ZNF90: variants seen among roughly 807,000 people sequenced by gnomAD.
ZNF90 encodes the protein zinc finger protein 90.
ZNF90 carries 11 observed loss-of-function variants against 12.0 expected under a neutral mutation model. The ratio of observed to expected loss-of-function variants is 0.92; its 90% CI spans 0.58 to 1.52. The LOEUF (loss-of-function observed/expected upper bound fraction) is 1.52, where lower values mean the gene tolerates loss of function less well. Among genes scored for constraint, ZNF90 ranks in the 40% most tolerant of loss-of-function variants. ZNF90 has a pLI of 0.00. For synonymous variants in ZNF90, 232 were observed against 240.1 expected, an observed-to-expected ratio of 0.97 and a Z score of 0.31; for missense variants, 765 against 711.5, an observed-to-expected ratio of 1.08 and a Z score of -0.86.
intron 1 of ZNF90, among the ~76,000 whole-genome samples, chr19:20,093,738 G>C (rs1372253868): frequency 1.3e-5 from 2 of 152,176 alleles, no homozygotes; most frequent in African/African-American, 4.8e-5. Context: ...AGGAAAACAG[G>C]CCCTTGAAAA....
At chr19:20,105,428 A>T in intron 3 of ZNF90, 112 bp downstream of exon 3, 1 of 815,744 alleles carries the variant, frequency 1.2e-6, no homozygotes, top group Non-Finnish European at 1.9e-6. Flanking sequence ...CAAAGAGAAT[A>T]GTTCCTGGGA....
intron 3 of ZNF90, among the ~76,000 whole-genome samples, chr19:20,116,652 T>C (rs1405262341): frequency 6.6e-6 from 1 of 152,226 alleles, no homozygotes; most frequent in Non-Finnish European, 1.5e-5. Context: ...CCTGGCATAG[T>C]CTGAAATCAA....
chr19:20,114,822 CCTTA>C (rs60961059), intron 3 of ZNF90, among the ~76,000 whole-genome samples: 5,316 of 152,116 alleles, frequency 0.035, 339 homozygotes, highest in African/African-American at 0.12. Context: ...TCCCCTGTTC[CCTTA>C]CTAATATTCT....
intron 3 of ZNF90, among the ~76,000 whole-genome samples, chr19:20,113,182 T>C (rs990554391): frequency 6.6e-6 from 1 of 151,966 alleles, no homozygotes; most frequent in Non-Finnish European, 1.5e-5. Flanking sequence ...TTTTTTATTT[T>C]TTTTTCTTTT....
chr19:20,106,516 G>A (rs139226162), intron 3 of ZNF90, among the ~76,000 whole-genome samples: 1,532 of 152,188 alleles, frequency 0.01, 26 homozygotes, highest in African/African-American at 0.035. Context: ...GTGCAGTGGC[G>A]CGATTTCGCT....
At position 20,119,612 on chromosome 19, in the gene ZNF90, G is replaced by T; in HGVS notation, c.*252G>T. On this transcript the variant is annotated 3_prime_UTR_variant, in exon 4 of 4. Coordinates refer to ENST00000418063, the MANE Select transcript of ZNF90 (RefSeq NM_007138.2). ...AAAAATGCAGCAAAGCCTATAACAA[G>T]TTCTCAATTCTTTTTTTTTTTTTTT... 2.7e-5 allele frequency: 9 copies of T among 331,558 alleles called. No individual in the cohort carries two copies. The highest frequency in any genetic ancestry group is 3.8e-5 in the Non-Finnish European group (7 of 184,750). 20.5% of individuals were successfully genotyped at this position (331,558 alleles called of 1,614,324 possible).
At chr19:20,094,802 G>A (rs1201967750) in intron 1 of ZNF90, among the ~76,000 whole-genome samples, 1 of 151,958 alleles carries the variant, frequency 6.6e-6, no homozygotes, top group African/African-American at 2.4e-5. Context: ...AGTGGGGTCT[G>A]ATGAGAAAGA....
chr19:20,085,188 C>G (rs1866325091), intron 1 of ZNF90, among the ~76,000 whole-genome samples: 1 of 151,960 alleles, frequency 6.6e-6, no homozygotes, highest in Non-Finnish European at 1.5e-5. Context: ...TTCCCACATT[C>G]CTCTTGACAG....
chr19:20,086,603 TATC>T (rs1555702097), intron 1 of ZNF90, among the ~76,000 whole-genome samples: 1 of 152,210 alleles, frequency 6.6e-6, no homozygotes, highest in East Asian at 1.9e-4. Context: ...GTTATTTTAA[TATC>T]ATTATTTACA....
chr19:20,089,738 G>T (rs1555702550), intron 1 of ZNF90, among the ~76,000 whole-genome samples: 1 of 152,202 alleles, frequency 6.6e-6, no homozygotes, highest in Admixed American at 6.5e-5. Flanking sequence ...TTCTTCAGGA[G>T]GGTAAAGTTG....
At chr19:20,100,170 C>T (rs2088978383) in intron 1 of ZNF90, among the ~76,000 whole-genome samples, 1 of 152,168 alleles carries the variant, frequency 6.6e-6, no homozygotes, top group Non-Finnish European at 1.5e-5. Context: ...ATAGTTTCCT[C>T]CCCTCAGGAT....
intron 3 of ZNF90, among the ~76,000 whole-genome samples, chr19:20,115,629 A>AT (rs1420353439): frequency 6.6e-6 from 1 of 151,786 alleles, no homozygotes; most frequent in Non-Finnish European, 1.5e-5. Context: ...TTATATGTGA[A>AT]TTTTGAAATT....
intron 3 of ZNF90, chr19:20,107,153 T>G (rs1555704581): frequency 2.6e-6 from 1 of 379,614 alleles, no homozygotes; most frequent in African/African-American, 2.1e-5. Context: ...TGACACTGAG[T>G]CATTGAACCG....
intron 3 of ZNF90, among the ~76,000 whole-genome samples, chr19:20,106,554 C>T (rs953285400): frequency 6.6e-5 from 10 of 152,154 alleles, no homozygotes; most frequent in African/African-American, 1.7e-4. Context: ...CCCAGGTTCA[C>T]GCCATTCTCC....
Position 20,118,490 on chromosome 19 carries a change from C to T in ZNF90, c.936C>T (p.Pro312=), listed in dbSNP as rs782239895. The change falls in exon 4 of 4, where the codon CCC becomes CCT. Residue 312 remains proline, a synonymous_variant. Transcript: ENST00000418063. ...VHKISHTEEK[P]YKCEECGKAF... is the part of the protein sequence containing the mutation. ...AGATAAGTCATACTGAAGAGAAACC[C>T]TACAAATGTGAAGAATGTGGCAAAG... The T allele has an allele frequency of 6.2e-7, 1 of 1,613,256 alleles. No homozygotes were observed. Among genetic ancestry groups the T allele is most frequent in the Non-Finnish European group, 8.5e-7 (1 of 1,179,858 alleles).
chr19:20,116,335 A>G (rs2089137225), intron 3 of ZNF90, among the ~76,000 whole-genome samples: 1 of 151,728 alleles, frequency 6.6e-6, no homozygotes, highest in Non-Finnish European at 1.5e-5. Flanking sequence ...ATGCCCAGTT[A>G]ATTTTTGAGT....
intron 3 of ZNF90, among the ~76,000 whole-genome samples, chr19:20,108,859 T>A (rs1190687125): frequency 6.6e-6 from 1 of 151,348 alleles, no homozygotes; most frequent in Non-Finnish European, 1.5e-5. Context: ...CCCGAGTAGC[T>A]GGGACTACAG....
chr19:20,100,360 T>A (rs1274461351), intron 1 of ZNF90, among the ~76,000 whole-genome samples: 1 of 152,156 alleles, frequency 6.6e-6, no homozygotes, highest in Non-Finnish European at 1.5e-5. Flanking sequence ...CTGTAAAGTG[T>A]GCCAAAAAAA....
chr19:20,112,335 T>A (rs1442147301), intron 3 of ZNF90, among the ~76,000 whole-genome samples: 3 of 151,872 alleles, frequency 2.0e-5, no homozygotes, highest in Non-Finnish European at 2.9e-5. Context: ...TATTATTATT[T>A]TTTTGAGATG....
Sources: allele counts gnomAD v4.1 joint callset (sites outside exome capture counted in the v4.1 genomes callset), GRCh38; gene constraint gnomAD v4.1.1; transcripts MANE v1.5; gene names NCBI Gene and HGNC (gene_info 2026-07-23, HGNC 2026-07-21).